FAM227B: variants seen among roughly 807,000 people sequenced by gnomAD.
FAM227B encodes family with sequence similarity 227 member B, also known as protein FAM227B.
FAM227B carries 88 observed loss-of-function variants against 73.8 expected under a neutral mutation model. The observed-to-expected ratio is 1.19, with a 90% CI of 1.00 to 1.42. The LOEUF (loss-of-function observed/expected upper bound fraction) is 1.42, where lower values mean the gene tolerates loss of function less well. FAM227B is among the 40% of genes most tolerant of loss of function. FAM227B has a pLI of 0.00. For missense variants in FAM227B, 632 were observed against 590.9 expected (o/e 1.07, Z -0.72); for synonymous variants, 210 against 190.5 (o/e 1.10, Z -0.84).
chr15:49,528,379 T>A (rs1040106878), intron 10 of FAM227B, among the ~76,000 whole-genome samples: 1 of 151,536 alleles, frequency 6.6e-6, no homozygotes. Flanking sequence ...ATATAAGAAC[T>A]GAAACTATAA....
chr15:49,556,899 C>T (rs940691600), intron 9 of FAM227B, among the ~76,000 whole-genome samples: 11 of 152,204 alleles, frequency 7.2e-5, no homozygotes, highest in Admixed American at 2.0e-4. Context: ...TCCCTGCTAG[C>T]TCAAGCGTCC....
At chr15:49,366,056 TCCC>T in intron 13 of FAM227B, 1 of 818,282 alleles carries the variant, frequency 1.2e-6, no homozygotes, top group Admixed American at 1.7e-5. Flanking sequence ...TCCTTTTTTT[TCCC>T]TCATTTATCT....
intron 13 of FAM227B, among the ~76,000 whole-genome samples, chr15:49,345,517 A>G (rs1382105310): frequency 6.6e-6 from 1 of 152,224 alleles, no homozygotes; most frequent in Non-Finnish European, 1.5e-5. Context: ...TCCGAATTAG[A>G]TAAAACAGAA....
intron 11 of FAM227B, chr15:49,395,964 G>A (rs964983180): frequency 8.8e-6 from 4 of 455,872 alleles, no homozygotes; most frequent in African/African-American, 8.0e-5. Flanking sequence ...CAAAATGTGG[G>A]TTAATCTTAC....
chr15:49,532,506 T>C (rs944759333), intron 10 of FAM227B, among the ~76,000 whole-genome samples: 4 of 151,550 alleles, frequency 2.6e-5, no homozygotes, highest in Non-Finnish European at 4.4e-5. Context: ...CAAGTAAAAA[T>C]TGCAAATAAA....
At chr15:49,527,170 A>T (rs1303476759) in intron 10 of FAM227B, among the ~76,000 whole-genome samples, 1 of 152,058 alleles carries the variant, frequency 6.6e-6, no homozygotes, top group East Asian at 1.9e-4. Flanking sequence ...CCAACAGCAC[A>T]TCCAAAAAGA....
chr15:49,392,605 G>A (rs1179287491), intron 11 of FAM227B, among the ~76,000 whole-genome samples: 1 of 152,184 alleles, frequency 6.6e-6, no homozygotes, highest in Admixed American at 6.5e-5. Context: ...AAGACAAAGA[G>A]CAAAGGACAT....
chr15:49,425,417 T>TA (rs1478209822), intron 11 of FAM227B: 1 of 152,028 alleles, frequency 6.6e-6, no homozygotes, highest in Non-Finnish European at 1.5e-5. Context: ...TCAATAGTAT[T>TA]AAATGTAATG....
At chr15:49,540,535 C>T (rs537789223) in intron 10 of FAM227B, among the ~76,000 whole-genome samples, 13 of 152,140 alleles carry the variant, frequency 8.5e-5, no homozygotes, top group Non-Finnish European at 1.3e-4. Context: ...CTGGTATAAC[C>T]TAATCCACCG....
intron 10 of FAM227B, among the ~76,000 whole-genome samples, chr15:49,514,023 G>C (rs2059208520): frequency 6.6e-6 from 1 of 152,120 alleles, no homozygotes; most frequent in African/African-American, 2.4e-5. Flanking sequence ...TTGAAGTCAG[G>C]TAGTGTGATG....
At chr15:49,547,637 C>T (rs1329664608) in intron 9 of FAM227B, among the ~76,000 whole-genome samples, 1 of 152,130 alleles carries the variant, frequency 6.6e-6, no homozygotes, top group Non-Finnish European at 1.5e-5. Context: ...ATCCTAGTCT[C>T]TGATAAAACA....
chr15:49,379,135 G>A (rs1045154531), intron 11 of FAM227B, among the ~76,000 whole-genome samples: 2 of 152,062 alleles, frequency 1.3e-5, no homozygotes, highest in Non-Finnish European at 2.9e-5. Context: ...CTGCATCCCT[G>A]GAATAAATCC....
intron 11 of FAM227B, among the ~76,000 whole-genome samples, chr15:49,479,284 T>C (rs1426279406): frequency 6.6e-6 from 1 of 152,192 alleles, no homozygotes; most frequent in Non-Finnish European, 1.5e-5. Flanking sequence ...TCTACCATTA[T>C]GCTATCATGG....
intron 10 of FAM227B, among the ~76,000 whole-genome samples, chr15:49,517,197 A>G (rs568128842): frequency 1.3e-5 from 2 of 152,304 alleles, no homozygotes; most frequent in African/African-American, 4.8e-5. Flanking sequence ...CTTATTGTGT[A>G]TAAGTCACTT....
chr15:49,615,684 A>G (rs2078245256), intron 1 of FAM227B, among the ~76,000 whole-genome samples: 1 of 152,140 alleles, frequency 6.6e-6, no homozygotes, highest in Non-Finnish European at 1.5e-5. Context: ...CTTTTCTTTA[A>G]AATTACCCAG....
intron 11 of FAM227B, among the ~76,000 whole-genome samples, chr15:49,430,282 CT>C (rs1250520875): frequency 6.6e-6 from 1 of 151,882 alleles, no homozygotes. Flanking sequence ...TCTTCTGACA[CT>C]TTAAAGTGGT....
intron 9 of FAM227B, among the ~76,000 whole-genome samples, chr15:49,567,027 T>G (rs1351949085): frequency 6.6e-6 from 1 of 152,168 alleles, no homozygotes; most frequent in Non-Finnish European, 1.5e-5. Flanking sequence ...TAAAAGCCTC[T>G]TATCTTTTTC....
chr15:49,549,472 C>T (rs1598124179), intron 9 of FAM227B, among the ~76,000 whole-genome samples: 1 of 152,056 alleles, frequency 6.6e-6, no homozygotes, highest in Non-Finnish European at 1.5e-5. Flanking sequence ...GACCCTGTGG[C>T]CTGGCCTTCC....
At chr15:49,553,160 T>C (rs758486956) in intron 9 of FAM227B, among the ~76,000 whole-genome samples, 4 of 152,228 alleles carry the variant, frequency 2.6e-5, no homozygotes, top group Non-Finnish European at 5.9e-5. Flanking sequence ...ATAAGCTGTA[T>C]CTACTTTAAG....
Sources: gnomAD v4.1 joint callset for allele counts (sites outside exome capture counted in the v4.1 genomes callset) on GRCh38, gnomAD v4.1.1 for gene constraint, MANE v1.5 for transcripts, NCBI Gene and HGNC (gene_info 2026-07-23, HGNC 2026-07-21) for gene names.